The following GALC variants were observed in gnomAD, a reference collection of about 807,000 sequenced individuals.
GALC encodes the protein galactosylceramidase, also known as galactocerebrosidase.
A neutral mutation model predicts 91.8 loss-of-function variants in GALC; 77 were observed. That is an observed-to-expected ratio of 0.84 (90% CI 0.70 to 1.01). The LOEUF (loss-of-function observed/expected upper bound fraction) is 1.01. GALC is among the 50% of genes least tolerant of loss of function. GALC has a pLI of 0.00. For synonymous variants in GALC, 357 were observed against 306.7 expected (o/e 1.16, Z -1.71); for missense variants, 882 against 855.9 (o/e 1.03, Z -0.38).
At position 87,992,112 on chromosome 14, in the gene GALC, T is replaced by TAA. The variant is rs1357675276; in HGVS notation, c.195+857_195+858insTT. On this transcript the variant is annotated intron_variant, in intron 1 of 16. Transcript: ENST00000261304. The stretch of plus-strand genomic sequence containing the variant: ...AAAAAAATTTCCCCTAGCAGAAGGT[T>TAA]ATATCTTGTGGTCACACTACAGACC... Among the ~76,000 whole-genome samples the TAA allele has an allele frequency of 4.1e-4, 63 of 152,284 alleles. No homozygotes were observed. In the Middle Eastern group the frequency reaches 0.01, roughly 25 times the overall value.
rs1158675380 is a variant in GALC, at chr14:87,934,719, G to GCCCT, written c.*9_*12dup. The GCCCT allele has an allele frequency of 6.2e-7, 1 of 1,612,914 alleles. No homozygotes were observed. The highest frequency in any genetic ancestry group is 8.5e-7 in the Non-Finnish European group (1 of 1,179,278). ...AAGAAAATCCAGAGTATTCTATGAT[G>GCCCT]CCCTGTTAAGTATTAGCGTGTGGCT... is the stretch of plus-strand genomic sequence containing the variant. On this transcript the variant is annotated 3_prime_UTR_variant, in exon 17 of 17. Coordinates refer to ENST00000261304, the MANE Select transcript of GALC (RefSeq NM_000153.4).
chr14:87,949,843 AC>A lies in GALC; in HGVS notation c.1338+1del. ...AAATATAAGAATTTACTTTAAAATT[AC>A]CCATAGAGAATCCAGCTGCTTAAAA... On this transcript the variant is annotated splice_donor_variant, in intron 12 of 16. Coordinates refer to ENST00000261304, the MANE Select transcript of GALC (RefSeq NM_000153.4). LOFTEE classifies it high-confidence loss of function. 6.7e-7 allele frequency: 1 copy of A among 1,501,138 alleles called. No homozygotes were observed. The highest frequency in any genetic ancestry group is 9.3e-7 in the Non-Finnish European group (1 of 1,078,660). 93.0% of individuals were successfully genotyped at this position (1,501,138 alleles called of 1,614,324 possible).
At chr14:87,987,513 T>A (rs1371112329) in intron 3 of GALC, among the ~76,000 whole-genome samples, 1 of 152,186 alleles carries the variant, frequency 6.6e-6, no homozygotes, top group African/African-American at 2.4e-5. Flanking sequence ...CAACAAAGAG[T>A]TACTTCCAAA....
intron 10 of GALC, among the ~76,000 whole-genome samples, chr14:87,951,185 ATAT>A (rs1885294784): frequency 6.6e-6 from 1 of 151,862 alleles, no homozygotes; most frequent in Non-Finnish European, 1.5e-5. Context: ...TATATAGTAT[ATAT>A]AGATATCAAA....
intron 14 of GALC, among the ~76,000 whole-genome samples, chr14:87,944,947 T>C (rs1885003973): frequency 6.7e-6 from 1 of 148,986 alleles, no homozygotes; most frequent in Admixed American, 6.8e-5. Context: ...ACATGACAGG[T>C]GGAATAAGTC....
At chr14:87,940,701 TCAAAG>T (rs1884797640) in intron 15 of GALC, among the ~76,000 whole-genome samples, 3 of 151,936 alleles carry the variant, frequency 2.0e-5, no homozygotes, top group Admixed American at 6.6e-5. Flanking sequence ...ATTTATGGAG[TCAAAG>T]CAAAGAGCAG....
intron 16 of GALC, among the ~76,000 whole-genome samples, chr14:87,937,856 A>T (rs1244299180): frequency 1.3e-5 from 2 of 151,976 alleles, no homozygotes; most frequent in African/African-American, 4.8e-5. Context: ...ACATAGTGGC[A>T]AATCTTAATA....
At chr14:87,972,963 A>C (rs1021485147) in intron 7 of GALC, among the ~76,000 whole-genome samples, 1 of 152,114 alleles carries the variant, frequency 6.6e-6, no homozygotes, top group Non-Finnish European at 1.5e-5. Flanking sequence ...GGAAATGGTA[A>C]AGTGTATACA....
chr14:87,980,274 T>C (rs1025763051), intron 6 of GALC, among the ~76,000 whole-genome samples: 3 of 151,352 alleles, frequency 2.0e-5, no homozygotes, highest in African/African-American at 7.3e-5. Flanking sequence ...TCCCAGCTAC[T>C]CAGGAGGCTG....
At chr14:87,980,240 G>A (rs544208394) in intron 6 of GALC, among the ~76,000 whole-genome samples, 78 of 152,120 alleles carry the variant, frequency 5.1e-4, no homozygotes, top group African/African-American at 1.6e-3. Flanking sequence ...AAAATTAGCC[G>A]GGCGTGGTGG....
intron 4 of GALC, among the ~76,000 whole-genome samples, chr14:87,985,131 T>G (rs1886915979): frequency 6.6e-6 from 1 of 152,194 alleles, no homozygotes; most frequent in African/African-American, 2.4e-5. Context: ...TAAGTCCATA[T>G]TCTTCCAATA....
chr14:87,970,817 C>T (rs1170123916), intron 7 of GALC, among the ~76,000 whole-genome samples: 2 of 141,776 alleles, frequency 1.4e-5, no homozygotes, highest in East Asian at 2.0e-4. Context: ...TGCAGTGAGC[C>T]GAGATTGCGC....
At chr14:87,987,448 C>T (rs1212731576) in intron 3 of GALC, among the ~76,000 whole-genome samples, 1 of 152,122 alleles carries the variant, frequency 6.6e-6, no homozygotes, top group East Asian at 1.9e-4. Flanking sequence ...TTTGTTTTTG[C>T]TTTGCACTTT....
At chr14:87,990,475 T>C (rs972135077) in intron 1 of GALC, among the ~76,000 whole-genome samples, 10 of 152,330 alleles carry the variant, frequency 6.6e-5, no homozygotes, top group Non-Finnish European at 1.2e-4. Context: ...TAAAGGCAAG[T>C]GTTATATACA....
chr14:87,943,954 G>T (rs901918182), intron 14 of GALC, among the ~76,000 whole-genome samples: 1 of 151,988 alleles, frequency 6.6e-6, no homozygotes, highest in East Asian at 1.9e-4. Context: ...TTCCTGAGCA[G>T]GGGAATAACA....
intron 13 of GALC, among the ~76,000 whole-genome samples, chr14:87,946,570 G>C (rs1212194025): frequency 6.6e-6 from 1 of 150,902 alleles, no homozygotes; most frequent in Non-Finnish European, 1.5e-5. Flanking sequence ...TTGAAGGTTT[G>C]AAATTGCCTC....
At chr14:87,953,618 T>C (rs1885399824) in intron 10 of GALC, 1 of 1,609,794 alleles carries the variant, frequency 6.2e-7, no homozygotes, top group Non-Finnish European at 8.5e-7. Flanking sequence ...AAAAGTGCTA[T>C]TAAAAGAAGC....
At chr14:87,935,909 T>C (rs1884549014) in intron 16 of GALC, among the ~76,000 whole-genome samples, 1 of 152,070 alleles carries the variant, frequency 6.6e-6, no homozygotes, top group African/African-American at 2.4e-5. Context: ...CAGAGCCACA[T>C]TCCTATTACT....
At chr14:87,966,301 G>T (rs564312401) in intron 8 of GALC, among the ~76,000 whole-genome samples, 42 of 152,150 alleles carry the variant, frequency 2.8e-4, no homozygotes, top group African/African-American at 9.9e-4. Context: ...GATCTGCTTT[G>T]TGGCCCATTC....
Sources: gnomAD v4.1 joint callset for allele counts (sites outside exome capture counted in the v4.1 genomes callset) on GRCh38, gnomAD v4.1.1 for gene constraint, MANE v1.5 for transcripts, NCBI Gene and HGNC (gene_info 2026-07-23, HGNC 2026-07-21) for gene names.